The following HRH1 variants were observed in gnomAD, a reference collection of about 807,000 sequenced individuals.
HRH1 encodes histamine receptor H1.
In HRH1, 6 loss-of-function variants were observed where a neutral mutation model predicts 10.3. That is an observed-to-expected ratio of 0.58 (90% CI 0.32 to 1.15). The LOEUF is 1.15. Ranked by LOEUF, HRH1 falls within the 50% of genes most tolerant of loss-of-function variation. HRH1 has a pLI of 0.05. For synonymous variants in HRH1, 242 were observed against 236.7 expected (o/e 1.02, Z -0.21); for missense variants, 514 against 615.3 (o/e 0.84, Z 1.74).
At chr3:11,161,518 T>C (rs1194883878) in intron 1 of HRH1, among the ~76,000 whole-genome samples, 3 of 152,194 alleles carry the variant, frequency 2.0e-5, no homozygotes, top group Non-Finnish European at 2.9e-5. Flanking sequence ...CAGGCTCATA[T>C]GGGAAGCCTG....
intron 1 of HRH1, among the ~76,000 whole-genome samples, chr3:11,190,767 C>A (rs758055188): frequency 1.1e-4 from 17 of 152,108 alleles, no homozygotes; most frequent in Non-Finnish European, 2.2e-4. Flanking sequence ...GGGAGGATCG[C>A]TTGAGCCGTG....
intron 1 of HRH1, among the ~76,000 whole-genome samples, chr3:11,156,277 G>T (rs1936791788): frequency 6.6e-6 from 1 of 152,188 alleles, no homozygotes; most frequent in Non-Finnish European, 1.5e-5. Flanking sequence ...GAGATGGACA[G>T]GTGCTGCCTG....
chr3:11,143,026 T>C (rs570538644), intron 1 of HRH1, among the ~76,000 whole-genome samples: 1 of 152,258 alleles, frequency 6.6e-6, no homozygotes, highest in African/African-American at 2.4e-5. Context: ...GGACAAAAGC[T>C]TGCTGTGTTT....
chr3:11,148,740 A>C (rs979118206), intron 1 of HRH1, among the ~76,000 whole-genome samples: 6 of 151,998 alleles, frequency 3.9e-5, no homozygotes, highest in Non-Finnish European at 7.4e-5. Flanking sequence ...ACCTTGCTAC[A>C]AGGGAGGCTG....
intron 1 of HRH1, among the ~76,000 whole-genome samples, chr3:11,144,399 A>C (rs111514375): frequency 0.017 from 470 of 27,854 alleles, 2 homozygotes; most frequent in Non-Finnish European, 0.033. Context: ...GTATATATAC[A>C]TATAGACATA....
intron 1 of HRH1, among the ~76,000 whole-genome samples, chr3:11,242,852 A>G (rs1056471372): frequency 1.3e-5 from 2 of 152,114 alleles, no homozygotes; most frequent in African/African-American, 4.8e-5. Context: ...AATTATGCTT[A>G]CACTTTCTGC....
chr3:11,150,625 T>C (rs1226409817), upstream of HRH1, among the ~76,000 whole-genome samples: 3 of 152,262 alleles, frequency 2.0e-5, no homozygotes, highest in Non-Finnish European at 4.4e-5. Flanking sequence ...CTCCCTTGGT[T>C]AGTGGAGGAT....
intron 1 of HRH1, among the ~76,000 whole-genome samples, chr3:11,257,126 G>T (rs1939801971): frequency 6.6e-6 from 1 of 150,834 alleles, no homozygotes; most frequent in African/African-American, 2.4e-5. Context: ...GGTGGTGGGT[G>T]CCTGTAATTG....
chr3:11,139,685 G>A (rs1936255110), intron 1 of HRH1, among the ~76,000 whole-genome samples: 1 of 152,158 alleles, frequency 6.6e-6, no homozygotes, highest in South Asian at 2.1e-4. Flanking sequence ...CCATAAAAAG[G>A]AATGAAGTAC....
chr3:11,220,308 G>A (rs1479940101), intron 1 of HRH1, among the ~76,000 whole-genome samples: 1 of 152,290 alleles, frequency 6.6e-6, no homozygotes, highest in South Asian at 2.1e-4. Flanking sequence ...ACCCTGACTT[G>A]CTGTATAGTC....
At chr3:11,157,299 A>G (rs1936828957) in intron 1 of HRH1, among the ~76,000 whole-genome samples, 1 of 152,220 alleles carries the variant, frequency 6.6e-6, no homozygotes, top group South Asian at 2.1e-4. Context: ...AAGAAGGAAA[A>G]AAGCAGATGG....
At chr3:11,180,406 A>G (rs1268398807) in intron 1 of HRH1, among the ~76,000 whole-genome samples, 1 of 152,132 alleles carries the variant, frequency 6.6e-6, no homozygotes, top group Admixed American at 6.5e-5. Context: ...GGAGCGTGCA[A>G]CCTAGATCCC....
chr3:11,167,030 C>A lies in HRH1; in HGVS notation c.-36+12476C>A, dbSNP rs1221058238. 2.7e-5 allele frequency among the ~76,000 whole-genome samples: 4 copies of A among 148,404 alleles called. No homozygotes were observed. In the East Asian group the frequency reaches 8.1e-4, roughly 30 times the overall value. ...CTTGGCTTCTCCAGGCCCATGACAT[C>A]TGCTGACCCCTGCATTCTCCAGACC... On this transcript the variant is annotated intron_variant, in intron 1 of 1. Transcript: ENST00000431010.
chr3:11,246,496 G>A (rs568314614), intron 1 of HRH1, among the ~76,000 whole-genome samples: 1 of 152,300 alleles, frequency 6.6e-6, no homozygotes, highest in Admixed American at 6.5e-5. Context: ...TTTATGCAAG[G>A]AAAACCTCAG....
intron 1 of HRH1, among the ~76,000 whole-genome samples, chr3:11,197,708 T>A (rs1937717973): frequency 6.6e-6 from 1 of 152,178 alleles, no homozygotes. Context: ...AAGACCATCT[T>A]TTAAAAGTAT....
chr3:11,150,063 T>G (rs1936567758), upstream of HRH1, among the ~76,000 whole-genome samples: 1 of 152,270 alleles, frequency 6.6e-6, no homozygotes, highest in South Asian at 2.1e-4. Flanking sequence ...CACTTCTCAT[T>G]GTGATCTTTT....
chr3:11,212,890 C>T (rs1375420302), intron 1 of HRH1, among the ~76,000 whole-genome samples: 1 of 152,192 alleles, frequency 6.6e-6, no homozygotes, highest in African/African-American at 2.4e-5. Context: ...TCCAGCCACA[C>T]TAAACTCCTC....
Position 11,228,829 on chromosome 3 carries a change from G to A in HRH1, c.-35-30174G>A, listed in dbSNP as rs555777508. ...CTCGGGAGGCTGCGACAGGAGAATC[G>A]CTTGAACCCAGGAGGTGAAGTTTGC... On this transcript the variant is annotated intron_variant, in intron 1 of 1. Coordinates refer to ENST00000431010, the MANE Select transcript of HRH1 (RefSeq NM_001098212.2). 4.0e-5 allele frequency among the ~76,000 whole-genome samples: 6 copies of A among 151,662 alleles called. 1 individual carries two copies. Among genetic ancestry groups the A allele is most frequent in the African/African-American group, 1.5e-4 (6 of 41,334 alleles).
intron 1 of HRH1, among the ~76,000 whole-genome samples, chr3:11,160,592 T>C (rs1936902597): frequency 6.6e-6 from 1 of 152,222 alleles, no homozygotes; most frequent in African/African-American, 2.4e-5. Flanking sequence ...TTATTAAATC[T>C]TTCTTCCTTT....
Sources: gnomAD v4.1 joint callset for allele counts (sites outside exome capture counted in the v4.1 genomes callset) on GRCh38, gnomAD v4.1.1 for gene constraint, MANE v1.5 for transcripts, NCBI Gene and HGNC (gene_info 2026-07-23, HGNC 2026-07-21) for gene names.